The following PALM2AKAP2 variants were observed in gnomAD, a reference collection of about 807,000 sequenced individuals.
The protein encoded by PALM2AKAP2 is PALM2-AKAP2 fusion protein.
PALM2AKAP2 carries 37 observed loss-of-function variants against 71.5 expected under a neutral mutation model. The ratio of observed to expected loss-of-function variants is 0.52; its 90% CI spans 0.40 to 0.68. PALM2AKAP2 has a LOEUF of 0.68. PALM2AKAP2 is among the 30% of genes least tolerant of loss of function. The pLI is 0.00. For missense variants in PALM2AKAP2, 1,224 were observed against 1,191.8 expected (o/e 1.03, Z -0.40); for synonymous variants, 468 against 478.8 (o/e 0.98, Z 0.29).
At chr9:110,167,413 A>G (rs1362573258) in intron 3 of PALM2AKAP2, among the ~76,000 whole-genome samples, 4 of 152,248 alleles carry the variant, frequency 2.6e-5, no homozygotes, top group Non-Finnish European at 5.9e-5. Flanking sequence ...TGTTTTCTGC[A>G]TGGTCATGAA....
exon 2 of PALM2AKAP2, chr9:110,136,784 G>A (rs753458424): frequency 6.2e-7 from 1 of 1,614,164 alleles, no homozygotes; most frequent in Non-Finnish European, 8.5e-7. Context: ...TGAGCTGCGT[G>A]CCTTCCATGA....
At chr9:110,163,426 T>G (rs1370011350) in intron 3 of PALM2AKAP2, among the ~76,000 whole-genome samples, 2 of 152,194 alleles carry the variant, frequency 1.3e-5, no homozygotes, top group Non-Finnish European at 2.9e-5. Flanking sequence ...ATTTAATATT[T>G]TTAAAAGAAA....
chr9:110,057,519 C>T (rs1031213144), intron 1 of PALM2AKAP2, among the ~76,000 whole-genome samples: 1 of 152,092 alleles, frequency 6.6e-6, no homozygotes, highest in Non-Finnish European at 1.5e-5. Context: ...GCTGTGTCTA[C>T]AGGCGCGTGC....
At chr9:110,069,028 T>C (rs1374843435) in intron 1 of PALM2AKAP2, among the ~76,000 whole-genome samples, 1 of 152,198 alleles carries the variant, frequency 6.6e-6, no homozygotes, top group African/African-American at 2.4e-5. Context: ...ATTTGCAAAA[T>C]GTTTTATTTT....
intron 6 of PALM2AKAP2, among the ~76,000 whole-genome samples, chr9:109,973,144 G>A (rs549424480): frequency 2.0e-5 from 3 of 152,230 alleles, no homozygotes; most frequent in African/African-American, 4.8e-5. Flanking sequence ...ATGCCACAAA[G>A]TGCCACCTTA....
chr9:109,851,599 G>T (rs1829022072), intron 1 of PALM2AKAP2, among the ~76,000 whole-genome samples: 1 of 152,190 alleles, frequency 6.6e-6, no homozygotes. Flanking sequence ...TGGAAGGACT[G>T]CTCCCCACTT....
chr9:109,981,905 TA>T (rs963626914), intron 6 of PALM2AKAP2, among the ~76,000 whole-genome samples: 6 of 151,988 alleles, frequency 3.9e-5, no homozygotes, highest in African/African-American at 1.5e-4. Flanking sequence ...CTCAAAAAAC[TA>T]AAATTAGAGC....
chr9:109,976,897 C>T (rs1404342295), intron 6 of PALM2AKAP2, among the ~76,000 whole-genome samples: 3 of 152,060 alleles, frequency 2.0e-5, no homozygotes, highest in African/African-American at 7.2e-5. Flanking sequence ...CAGTGTGAAC[C>T]GCAGTGGGCA....
At chr9:109,916,550 G>A (rs1830697036) in intron 3 of PALM2AKAP2, among the ~76,000 whole-genome samples, 1 of 152,246 alleles carries the variant, frequency 6.6e-6, no homozygotes, top group Non-Finnish European at 1.5e-5. Context: ...TGACAGGAGG[G>A]ACATGTGATA....
intron 6 of PALM2AKAP2, among the ~76,000 whole-genome samples, chr9:110,004,330 T>A (rs939984844): frequency 2.6e-5 from 4 of 152,376 alleles, no homozygotes; most frequent in African/African-American, 9.6e-5. Flanking sequence ...TTGAAAATTC[T>A]TTCCTTTAAG....
rs79190017 is a variant in PALM2AKAP2 at position 109,817,964 on chromosome 9, C to T, written c.45+37431C>T. On this transcript the variant is annotated intron_variant, in intron 1 of 9. Transcript: ENST00000302798. ...AAGAAGTCGTTAAGTGGATCTCCCA[C>T]ATGTTCCTCTGTGACTTCATTCATA... Among the ~76,000 whole-genome samples, 604 of 152,308 alleles carry T rather than the reference C, an allele frequency of 4.0e-3. 9 individuals are homozygous for T. Among genetic ancestry groups the T allele is most frequent in the East Asian group, 0.03 (156 of 5,188 alleles).
intron 7 of PALM2AKAP2, among the ~76,000 whole-genome samples, chr9:110,033,671 A>C (rs1833327470): frequency 6.6e-6 from 1 of 152,252 alleles, no homozygotes; most frequent in African/African-American, 2.4e-5. Flanking sequence ...CTTTCTGTGT[A>C]ATGAGTAAAT....
intron 1 of PALM2AKAP2, among the ~76,000 whole-genome samples, chr9:109,782,151 A>C (rs1048998495): frequency 7.2e-5 from 11 of 152,236 alleles, no homozygotes; most frequent in African/African-American, 2.7e-4. Context: ...GTAGCTGCTA[A>C]CACTGGGGTA....
At chr9:109,711,559 T>G (rs1051315695) in intron 1 of PALM2AKAP2, among the ~76,000 whole-genome samples, 1 of 152,214 alleles carries the variant, frequency 6.6e-6, no homozygotes, top group Non-Finnish European at 1.5e-5. Context: ...TGAGTCTGAG[T>G]TGAAGGATTA....
At chr9:109,662,492 C>A (rs1564104943) in intron 1 of PALM2AKAP2, among the ~76,000 whole-genome samples, 1 of 152,184 alleles carries the variant, frequency 6.6e-6, no homozygotes, top group African/African-American at 2.4e-5. Flanking sequence ...TATATTGAAC[C>A]AGCTTTGCAT....
chr9:109,865,891 G>T (rs1468728164), intron 1 of PALM2AKAP2, among the ~76,000 whole-genome samples: 3 of 152,168 alleles, frequency 2.0e-5, no homozygotes, highest in Non-Finnish European at 4.4e-5. Context: ...TGAGATGGTG[G>T]ATGTGGGCTG....
chr9:110,031,891 A>G (rs1228937333), intron 7 of PALM2AKAP2, among the ~76,000 whole-genome samples: 1 of 152,170 alleles, frequency 6.6e-6, no homozygotes, highest in Non-Finnish European at 1.5e-5. Flanking sequence ...CTAGTGGGAT[A>G]AGATTTGATT....
intron 1 of PALM2AKAP2, among the ~76,000 whole-genome samples, chr9:110,088,162 G>T (rs1473187913): frequency 7.1e-6 from 1 of 140,678 alleles, no homozygotes; most frequent in Non-Finnish European, 1.5e-5. Context: ...GCAGCAAGCA[G>T]CTCAAGGGAC....
intron 1 of PALM2AKAP2, among the ~76,000 whole-genome samples, chr9:110,123,873 G>C (rs1301611312): frequency 6.6e-6 from 1 of 152,166 alleles, no homozygotes; most frequent in East Asian, 1.9e-4. Context: ...TTCTCAAGCA[G>C]AGCAATGCCA....
Sources: allele counts gnomAD v4.1 joint callset (sites outside exome capture counted in the v4.1 genomes callset), GRCh38; gene constraint gnomAD v4.1.1; transcripts MANE v1.5; gene names NCBI Gene and HGNC (gene_info 2026-07-23, HGNC 2026-07-21).